Variants in CIT observed in about 807,000 individuals in gnomAD.
CIT encodes the protein citron rho-interacting serine/threonine kinase.
CIT carries 79 observed loss-of-function variants against 272.7 expected under a neutral mutation model. That is an observed-to-expected ratio of 0.29 (90% CI 0.24 to 0.35). CIT has a LOEUF of 0.35. Among genes scored for constraint, CIT ranks in the 10% least tolerant of loss-of-function variants. CIT has a pLI of 1.00. For synonymous variants in CIT, 948 were observed against 995.6 expected, an observed-to-expected ratio of 0.95 and a Z score of 0.90; for missense variants, 1,909 against 2,618.3, an observed-to-expected ratio of 0.73 and a Z score of 5.91.
At position 119,770,316 on chromosome 12, in the gene CIT, T is replaced by C. The variant is rs1205504009; in HGVS notation, c.2208+469A>G. Reference sequence around the variant, plus strand: ...GAGAAAGTGAGTGGGTGAACATGGATCTATGACAAATACTACTCCTAGCAA... The same window carrying C: ...GAGAAAGTGAGTGGGTGAACATGGACCTATGACAAATACTACTCCTAGCAA... On this transcript the variant is annotated intron_variant, in intron 18 of 47. Transcript: ENST00000392521. This position sits in a 1 kb window ranked among gnomAD's most constrained non-coding sequence, Gnocchi z 4.4. Among the ~76,000 whole-genome samples, 3 of 152,098 alleles carry C rather than the reference T, an allele frequency of 2.0e-5. No homozygotes were observed. The highest frequency in any genetic ancestry group is 4.4e-5 in the Non-Finnish European group (3 of 68,018).
At chr12:119,864,137 AC>A (rs1388712035) in intron 3 of CIT, among the ~76,000 whole-genome samples, 1 of 152,064 alleles carries the variant, frequency 6.6e-6, no homozygotes, top group Non-Finnish European at 1.5e-5. Context: ...AAAAAAAAAA[AC>A]TTTTCAAAAG....
At chr12:119,726,486 C>T (rs1958118534) in intron 28 of CIT, among the ~76,000 whole-genome samples, 1 of 148,424 alleles carries the variant, frequency 6.7e-6, no homozygotes, top group Admixed American at 6.9e-5. Flanking sequence ...CACGCCTCAG[C>T]CACCCATATT....
intron 19 of CIT, among the ~76,000 whole-genome samples, chr12:119,765,296 G>T (rs1211230803): frequency 6.7e-6 from 1 of 149,374 alleles, no homozygotes; most frequent in Non-Finnish European, 1.5e-5. Context: ...CCAGCTACTT[G>T]GGTGGCTGAG....
chr12:119,778,087 C>CTT lies in CIT; in HGVS notation c.1666-1246_1666-1245insAA, dbSNP rs550474495. 2.1e-4 allele frequency among the ~76,000 whole-genome samples: 32 copies of CTT among 152,266 alleles called. No individual in the cohort carries two copies. In the East Asian group the frequency reaches 5.8e-3, roughly 28 times the overall value. On this transcript the variant is annotated intron_variant, in intron 13 of 47. Transcript: ENST00000392521. ...AACATCACTCCTGCAATGCAAGTCA[C>CTT]CCTGAAATCTGGAAGAGTCACAAAA...
rs1334522015 is a variant in CIT at position 119,857,529 on chromosome 12, C to T, written c.408G>A (p.Gln136=). 1.2e-6 allele frequency: 2 copies of T among 1,614,090 alleles called. No individual in the cohort carries two copies. The highest frequency in any genetic ancestry group is 1.7e-6 in the Non-Finnish European group (2 of 1,179,986). The part of the protein sequence containing the change: ...KVMKKKALLA[Q]EQVSFFEEER... ...GATGTTAAAATCCTCCTACCTGCTC[C>T]TGGGCCAATAAAGCCTTCTTCTTCA... The change falls in exon 4 of 48, where the codon CAG becomes CAA. Residue 136 remains glutamine (Q), a synonymous_variant. Coordinates refer to ENST00000392521, the MANE Select transcript of CIT (RefSeq NM_001206999.2).
chr12:119,705,803 A>T (rs1283676932), intron 40 of CIT, among the ~76,000 whole-genome samples: 5 of 119,412 alleles, frequency 4.2e-5, no homozygotes, highest in African/African-American at 9.0e-5. Flanking sequence ...AAAAAAAAAA[A>T]TTTTGGCCAG....
At chr12:119,841,088 G>A (rs1183264967) in intron 5 of CIT, among the ~76,000 whole-genome samples, 1 of 152,094 alleles carries the variant, frequency 6.6e-6, no homozygotes, top group African/African-American at 2.4e-5. Context: ...ATAATGCCTT[G>A]AGTAAGAATA....
At chr12:119,774,393 G>A (rs199855653) in intron 16 of CIT, among the ~76,000 whole-genome samples, 15 of 152,016 alleles carry the variant, frequency 9.9e-5, no homozygotes, top group East Asian at 9.6e-4. Context: ...CCAAAGGTAC[G>A]TCCCACAACC....
chr12:119,729,703 T>C (rs1163113627), intron 27 of CIT, among the ~76,000 whole-genome samples: 1 of 152,250 alleles, frequency 6.6e-6, no homozygotes, highest in African/African-American at 2.4e-5. Context: ...CCATTATTTC[T>C]TTTACTTTTC....
intron 27 of CIT, among the ~76,000 whole-genome samples, chr12:119,729,964 T>C (rs967742339): frequency 6.6e-6 from 1 of 152,186 alleles, no homozygotes; most frequent in African/African-American, 2.4e-5. Context: ...CAAAACATTG[T>C]TTATGACTAT....
In CIT at chr12:119,757,426, T is replaced by C. The variant is rs765891379; in HGVS notation, c.2651A>G (p.His884Arg). The change falls in exon 22 of 48, where the codon CAC (histidine) becomes CGC (arginine). Residue 884 changes from histidine to arginine, a missense_variant. His to Arg is a conservative substitution (Grantham distance 29). Around this residue, in one of 8 missense-constraint regions of CIT, gnomAD observed 530 missense variants for 822.4 expected, o/e 0.64. Transcript: ENST00000392521. ...CCGATTCTTGTCACTGTGGTCTTGG[T>C]GGCTGATCTTCTCCAGCTGCTCCTC... ...KLEEQLEKIS[H>R]QDHSDKNRLL... is the part of the protein sequence containing the mutation. 2 of 1,614,228 alleles carry C rather than the reference T, an allele frequency of 1.2e-6. No individual in the cohort carries two copies. Among genetic ancestry groups the C allele is most frequent in the Admixed American group, 3.3e-5 (2 of 60,026 alleles).
chr12:119,745,374 CA>C (rs757825062), intron 23 of CIT, among the ~76,000 whole-genome samples: 12 of 7,008 alleles, frequency 1.7e-3, no homozygotes, highest in African/African-American at 4.1e-3. Flanking sequence ...AAGAAACAAG[CA>C]AAAAAAAAAA....
At chr12:119,745,923 T>C (rs933057088) in intron 23 of CIT, among the ~76,000 whole-genome samples, 1 of 152,238 alleles carries the variant, frequency 6.6e-6, no homozygotes, top group Non-Finnish European at 1.5e-5. Context: ...CTATATTCTA[T>C]GGACTAATTT....
chr12:119,724,897 C>G (rs1002485409), intron 28 of CIT, among the ~76,000 whole-genome samples: 5 of 131,246 alleles, frequency 3.8e-5, no homozygotes, highest in Non-Finnish European at 6.2e-5. Flanking sequence ...GATCACTGCA[C>G]TCCAGTCTGG....
At chr12:119,689,666 C>CTTTT (rs531946559) in intron 47 of CIT, among the ~76,000 whole-genome samples, 813 of 75,038 alleles carry the variant, frequency 0.011, 152 homozygotes, top group Middle Eastern at 0.041. Flanking sequence ...TTAGGAAGCT[C>CTTTT]TTTTTTTTTT....
Position 119,724,176 on chromosome 12 carries a change from A to G in CIT, c.3592-2727T>C, listed in dbSNP as rs564342153. Among the ~76,000 whole-genome samples, 13 of 152,310 alleles carry G rather than the reference A, an allele frequency of 8.5e-5. No individual in the cohort carries two copies. In the South Asian group the frequency reaches 2.3e-3, roughly 27 times the overall value. ...TTTGGAGTGGGAGAGCTATTTGGAT[A>G]TCTAGTTGACTGTCACAGAGATAAT... On this transcript the variant is annotated intron_variant, in intron 28 of 47. Coordinates refer to ENST00000392521, the MANE Select transcript of CIT (RefSeq NM_001206999.2).
chr12:119,739,735 T>C (rs566943565), intron 24 of CIT, among the ~76,000 whole-genome samples: 8 of 152,274 alleles, frequency 5.3e-5, no homozygotes, highest in African/African-American at 9.6e-5. Flanking sequence ...AGTTTGCACG[T>C]ATCTCATTTA....
intron 24 of CIT, among the ~76,000 whole-genome samples, chr12:119,740,771 G>A (rs75883998): frequency 0.057 from 8,689 of 152,154 alleles, 388 homozygotes; most frequent in African/African-American, 0.12. Context: ...AATAAGAAAC[G>A]AAGACAACAA....
intron 13 of CIT, among the ~76,000 whole-genome samples, chr12:119,780,921 C>T (rs1048723966): frequency 4.6e-5 from 7 of 152,158 alleles, no homozygotes; most frequent in Admixed American, 6.5e-5. Context: ...TCATAAAAGA[C>T]GTGTCTTTGA....
Sources: allele counts gnomAD v4.1 joint callset (sites outside exome capture counted in the v4.1 genomes callset), GRCh38; gene constraint gnomAD v4.1.1; regional missense constraint gnomAD v4.1.1; non-coding constraint Gnocchi (gnomAD v3.1); transcripts MANE v1.5; gene names NCBI Gene and HGNC (gene_info 2026-07-23, HGNC 2026-07-21).